CPLX2: variants seen among roughly 807,000 people sequenced by gnomAD.
CPLX2 encodes the protein complexin-2.
In CPLX2, 5 loss-of-function variants were observed where a neutral mutation model predicts 16.3. That is an observed-to-expected ratio of 0.31 (90% CI 0.16 to 0.64). The LOEUF is 0.64. Among genes scored for constraint, CPLX2 ranks in the 30% least tolerant of loss-of-function variants. CPLX2 has a pLI of 0.79. For missense variants in CPLX2, 144 were observed against 181.4 expected, an observed-to-expected ratio of 0.79 and a Z score of 1.18; for synonymous variants, 89 against 73.2, an observed-to-expected ratio of 1.22 and a Z score of -1.10.
At chr5:175,833,432 C>T (rs1174309116) in intron 2 of CPLX2, among the ~76,000 whole-genome samples, 1 of 152,066 alleles carries the variant, frequency 6.6e-6, no homozygotes, top group Non-Finnish European at 1.5e-5. Flanking sequence ...GTCTGTAATA[C>T]AAAGAAGCAT....
At chr5:175,879,312 C>G (rs1755511134) in intron 3 of CPLX2, among the ~76,000 whole-genome samples, 1 of 152,178 alleles carries the variant, frequency 6.6e-6, no homozygotes, top group Non-Finnish European at 1.5e-5. Flanking sequence ...GAGGGTGGAC[C>G]CTACGGTCCA....
In CPLX2 at chr5:175,858,324, G is replaced by A. The variant is rs1315226744; in HGVS notation, c.-88-20328G>A. Among the ~76,000 whole-genome samples, 7 of 152,348 alleles carry A rather than the reference G, an allele frequency of 4.6e-5. No individual in the cohort carries two copies. The South Asian group carries it at 1.4e-3, about 32-fold the overall frequency. On this transcript the variant is annotated intron_variant, in intron 2 of 4. Coordinates refer to the CPLX2 transcript ENST00000359546. ...CCACTTACCCCTCTTCTGAGCACAA[G>A]CGACACCACCCTTCCCAGCCCCCTG...
At chr5:175,848,302 G>C (rs1434144314) in intron 2 of CPLX2, among the ~76,000 whole-genome samples, 1 of 152,210 alleles carries the variant, frequency 6.6e-6, no homozygotes, top group Non-Finnish European at 1.5e-5. Flanking sequence ...CTGCTGCAGA[G>C]GGGCCCATCT....
chr5:175,822,588 A>G (rs1325841698), intron 2 of CPLX2, among the ~76,000 whole-genome samples: 4 of 152,242 alleles, frequency 2.6e-5, no homozygotes, highest in Admixed American at 2.0e-4. Context: ...TCAGACACAC[A>G]TGGCCCCAGG....
Position 175,846,908 on chromosome 5 carries a change from A to G in CPLX2, c.-88-31744A>G, listed in dbSNP as rs1458591855. 1.3e-5 allele frequency among the ~76,000 whole-genome samples: 2 copies of G among 152,230 alleles called. 1 individual carries two copies. Among genetic ancestry groups the G allele is most frequent in the South Asian group, 4.1e-4 (2 of 4,838 alleles). On this transcript the variant is annotated intron_variant, in intron 2 of 4. Transcript: ENST00000359546. The stretch of plus-strand genomic sequence containing the variant: ...GGCCTAGCCAAGCTCAGGGGCCCTG[A>G]AAGTTTCCAGGGGCAGTTAGACCAA...
intron 2 of CPLX2, among the ~76,000 whole-genome samples, chr5:175,817,295 GACCCTTC>G (rs1758425598): frequency 6.6e-6 from 1 of 152,238 alleles, no homozygotes. Context: ...TACCTAGCAA[GACCCTTC>G]ACCGCTCTGA....
At chr5:175,807,451 T>C (rs1301964013) in intron 1 of CPLX2, among the ~76,000 whole-genome samples, 1 of 152,330 alleles carries the variant, frequency 6.6e-6, no homozygotes, top group South Asian at 2.1e-4. Flanking sequence ...ACAGGGAAGA[T>C]GCCATTTGCT....
At chr5:175,878,375 A>G (rs866693710) in intron 1 of CPLX2, 4 of 296,082 alleles carry the variant, frequency 1.4e-5, no homozygotes, top group African/African-American at 2.2e-5. Flanking sequence ...GCTCTTTCCA[A>G]TGCTCCTGGC....
At chr5:175,797,294 G>C (rs190002698) in intron 1 of CPLX2, among the ~76,000 whole-genome samples, 2 of 152,308 alleles carry the variant, frequency 1.3e-5, no homozygotes, top group African/African-American at 4.8e-5. Context: ...TCACCGGCGA[G>C]CTAGGCGGGG....
intron 2 of CPLX2, among the ~76,000 whole-genome samples, chr5:175,836,269 G>A (rs1352847556): frequency 6.6e-6 from 1 of 152,174 alleles, no homozygotes; most frequent in Non-Finnish European, 1.5e-5. Context: ...AGAATGGCAT[G>A]AACCCGGGAG....
intron 2 of CPLX2, among the ~76,000 whole-genome samples, chr5:175,812,695 G>A (rs1758335585): frequency 6.6e-6 from 1 of 152,108 alleles, no homozygotes; most frequent in African/African-American, 2.4e-5. Flanking sequence ...TGCAATGTGA[G>A]CTTGAAATAA....
In CPLX2 at chr5:175,872,374, G is replaced by C. The variant is rs939066490; in HGVS notation, c.-89+669G>C. ...AGTCTTCGGGAACGACCCCTTCTGT[G>C]CTCTCGTTCTCGTCGGCCTCAATCT... On this transcript the variant is annotated intron_variant, in intron 1 of 3. Coordinates refer to ENST00000393745, the MANE Select transcript of CPLX2 (RefSeq NM_001008220.2). The surrounding 1 kb of genome is among the most constrained non-coding windows in gnomAD (Gnocchi z 5.0). 3.9e-5 allele frequency among the ~76,000 whole-genome samples: 6 copies of C among 152,184 alleles called. No individual in the cohort carries two copies. The highest frequency in any genetic ancestry group is 1.2e-4 in the African/African-American group (5 of 41,438).
intron 2 of CPLX2, among the ~76,000 whole-genome samples, chr5:175,827,753 G>A (rs1043034093): frequency 4.6e-5 from 7 of 152,074 alleles, no homozygotes; most frequent in Non-Finnish European, 8.8e-5. Context: ...GTGAGACTCC[G>A]TCTCAATAAA....
At chr5:175,853,072 C>T (rs1175755918) in intron 2 of CPLX2, among the ~76,000 whole-genome samples, 1 of 152,228 alleles carries the variant, frequency 6.6e-6, no homozygotes, top group Non-Finnish European at 1.5e-5. Flanking sequence ...GTTTCCTTTT[C>T]ACTGCATTTA....
intron 2 of CPLX2, among the ~76,000 whole-genome samples, chr5:175,822,580 A>T (rs1758533885): frequency 6.6e-6 from 1 of 152,256 alleles, no homozygotes; most frequent in East Asian, 1.9e-4. Flanking sequence ...TTGCTAGGTC[A>T]GACACACATG....
rs1759622967 is a variant in CPLX2, at chr5:175,871,646, C to A, written c.-148C>A. 1 of 152,176 alleles carries A rather than the reference C, an allele frequency of 6.6e-6. No homozygotes were observed. The allele number at this position is 152,176 out of a possible 1,614,324, so 9.4% of individuals were successfully genotyped here. A position where few individuals can be genotyped will look rare whatever the true frequency, so the allele number is the denominator to read the frequency against. On this transcript the variant is annotated 5_prime_UTR_variant, in exon 1 of 4. Coordinates refer to ENST00000393745, the MANE Select transcript of CPLX2 (RefSeq NM_001008220.2). ...GCGGGAGCTGGAATAGCAGAAGGAA[C>A]CACCTCGTGGAGTCGGGCCGGAGCC...
At position 175,845,787 on chromosome 5, in the gene CPLX2, A is replaced by C. The variant is rs1175627251; in HGVS notation, c.-88-32865A>C. On this transcript the variant is annotated intron_variant, in intron 2 of 4. Coordinates refer to the CPLX2 transcript ENST00000359546. The surrounding 1 kb of genome is among the most constrained non-coding windows in gnomAD (Gnocchi z 4.0). ...AGGTCACGTGGCTGTCAGATAACAGAGGCAGAACTTACACCCAGGCCTTTG... is the reference window on the plus strand; with the variant it reads ...AGGTCACGTGGCTGTCAGATAACAGCGGCAGAACTTACACCCAGGCCTTTG... Among the ~76,000 whole-genome samples the C allele has an allele frequency of 6.6e-6, 1 of 152,120 alleles. No individual in the cohort carries two copies. Among genetic ancestry groups the C allele is most frequent in the Non-Finnish European group, 1.5e-5 (1 of 68,034 alleles).
At chr5:175,874,794 G>A (rs1316316346) in intron 1 of CPLX2, among the ~76,000 whole-genome samples, 4 of 152,166 alleles carry the variant, frequency 2.6e-5, no homozygotes, top group Non-Finnish European at 5.9e-5. Flanking sequence ...ATTCCCAAGG[G>A]AGACAGAGGG....
intron 2 of CPLX2, among the ~76,000 whole-genome samples, chr5:175,813,531 G>A (rs1758350458): frequency 6.6e-6 from 1 of 152,246 alleles, no homozygotes; most frequent in African/African-American, 2.4e-5. Context: ...GACAAAGTAG[G>A]GGCCCAGGCC....
Sources: allele counts gnomAD v4.1 joint callset (sites outside exome capture counted in the v4.1 genomes callset), GRCh38; gene constraint gnomAD v4.1.1; non-coding constraint Gnocchi (gnomAD v3.1); transcripts MANE v1.5; gene names NCBI Gene and HGNC (gene_info 2026-07-23, HGNC 2026-07-21).